MINDY2: variants seen among roughly 807,000 people sequenced by gnomAD.
The protein encoded by MINDY2 is ubiquitin carboxyl-terminal hydrolase MINDY-2.
A neutral mutation model predicts 68.2 loss-of-function variants in MINDY2; 52 were observed. That is an observed-to-expected ratio of 0.76 (90% CI 0.61 to 0.96). MINDY2 has a LOEUF of 0.96. MINDY2 is among the 40% of genes least tolerant of loss of function. The pLI is 0.00. For missense variants in MINDY2, 881 were observed against 773.4 expected, an observed-to-expected ratio of 1.14 and a Z score of -1.65; for synonymous variants, 372 against 303.0, an observed-to-expected ratio of 1.23 and a Z score of -2.36.
At chr15:58,799,324 T>C (rs1293429000) in intron 2 of MINDY2, among the ~76,000 whole-genome samples, 2 of 152,096 alleles carry the variant, frequency 1.3e-5, no homozygotes, top group Admixed American at 6.5e-5. Context: ...TCCCAGCACT[T>C]TGGGAGGCCG....
intron 4 of MINDY2, among the ~76,000 whole-genome samples, chr15:58,816,010 T>A (rs1379625348): frequency 3.3e-5 from 5 of 152,192 alleles, no homozygotes; most frequent in African/African-American, 1.2e-4. Context: ...TGGTTAACTG[T>A]CATCTCCCAC....
chr15:58,787,787 G>T, intron 1 of MINDY2, 119 bp from the exon 2 acceptor site: 171 of 371,768 alleles, frequency 4.6e-4, no homozygotes, highest in Middle Eastern at 8.9e-4. Flanking sequence ...ATATGTGAAT[G>T]TTAATGTATA....
At chr15:58,789,503 C>G (rs1266584483) in intron 2 of MINDY2, among the ~76,000 whole-genome samples, 1 of 151,398 alleles carries the variant, frequency 6.6e-6, no homozygotes, top group Non-Finnish European at 1.5e-5. Flanking sequence ...ATTGCCCAGG[C>G]TGGAGTGCAG....
chr15:58,853,963 A>G (rs1376894185), intron 8 of MINDY2, among the ~76,000 whole-genome samples: 2 of 152,074 alleles, frequency 1.3e-5, no homozygotes, highest in African/African-American at 4.8e-5. Flanking sequence ...ACTTTAGGCA[A>G]TATAATCTTA....
intron 2 of MINDY2, among the ~76,000 whole-genome samples, chr15:58,794,142 A>AT (rs1286638717): frequency 6.6e-6 from 1 of 151,970 alleles, no homozygotes; most frequent in Non-Finnish European, 1.5e-5. Flanking sequence ...AATCTAAGGT[A>AT]TGAAGGTGTG....
chr15:58,830,517 C>A (rs1254564286), intron 5 of MINDY2, among the ~76,000 whole-genome samples: 1 of 152,098 alleles, frequency 6.6e-6, no homozygotes, highest in Non-Finnish European at 1.5e-5. Context: ...TGCAGACATT[C>A]CAAAATCCAA....
At chr15:58,819,783 G>A (rs1245882150) in intron 4 of MINDY2, among the ~76,000 whole-genome samples, 1 of 152,186 alleles carries the variant, frequency 6.6e-6, no homozygotes, top group Non-Finnish European at 1.5e-5. Context: ...AACAGATTGT[G>A]CCCTCAAATT....
At chr15:58,811,838 T>C (rs947139190) in intron 4 of MINDY2, among the ~76,000 whole-genome samples, 1 of 152,210 alleles carries the variant, frequency 6.6e-6, no homozygotes, top group East Asian at 1.9e-4. Flanking sequence ...AAAATAATTC[T>C]ACTGTAACAT....
chr15:58,848,812 A>G (rs2032666918), intron 7 of MINDY2, among the ~76,000 whole-genome samples: 1 of 152,248 alleles, frequency 6.6e-6, no homozygotes, highest in Admixed American at 6.5e-5. Context: ...TTTGAAAAAC[A>G]GTTCTGAAAG....
chr15:58,836,891 A>C (rs2032022301), intron 6 of MINDY2, among the ~76,000 whole-genome samples: 1 of 152,092 alleles, frequency 6.6e-6, no homozygotes, highest in South Asian at 2.1e-4. Flanking sequence ...GAGTGTTGGG[A>C]TTACAGGTGT....
rs1190348146 is a variant in MINDY2, at chr15:58,861,894, G to C, written c.*7284G>C. On this transcript the variant is annotated 3_prime_UTR_variant, in exon 9 of 9. Transcript: ENST00000559228. ...TTATTTCAATAAACTTTGATATTTA[G>C]ACCAAAGTCTGTTCGCTCTGTATAT... 2 of 152,080 alleles carry C rather than the reference G, an allele frequency of 1.3e-5. No homozygotes were observed. The highest frequency in any genetic ancestry group is 4.8e-5 in the African/African-American group (2 of 41,410). The allele number at this position is 152,080 out of a possible 1,614,324, so 9.4% of individuals were successfully genotyped here. A position where few individuals can be genotyped will look rare whatever the true frequency, so the allele number is the denominator to read the frequency against.
chr15:58,839,114 A>AT (rs1387360140), intron 6 of MINDY2, among the ~76,000 whole-genome samples: 5 of 150,942 alleles, frequency 3.3e-5, no homozygotes, highest in Admixed American at 2.0e-4. Context: ...TATTTATTTA[A>AT]TTTTTTTTTG....
chr15:58,830,943 A>C (rs1279045164), intron 5 of MINDY2, among the ~76,000 whole-genome samples: 1 of 151,800 alleles, frequency 6.6e-6, no homozygotes, highest in East Asian at 1.9e-4. Context: ...GGATCTAAAT[A>C]AATTTTAGCC....
rs148741065 is a variant in MINDY2 at position 58,860,784 on chromosome 15, C to A, written c.*6174C>A. The A allele has an allele frequency of 6.6e-6, 1 of 152,092 alleles. No individual in the cohort carries two copies. The highest frequency in any genetic ancestry group is 2.4e-5 in the African/African-American group (1 of 41,410). The allele number at this position is 152,092 out of a possible 1,614,324, so 9.4% of individuals were successfully genotyped here. On this transcript the variant is annotated 3_prime_UTR_variant, in exon 9 of 9. Transcript: ENST00000559228. ...ACAAACAGTATTTAATCCTTGAAGA[C>A]CTGTCTTGTATGTCTCTCAATTTTG...
intron 6 of MINDY2, among the ~76,000 whole-genome samples, chr15:58,844,116 G>A (rs2032408893): frequency 6.6e-6 from 1 of 152,078 alleles, no homozygotes; most frequent in East Asian, 1.9e-4. Flanking sequence ...CAAAAGTGCT[G>A]GAATATCAGT....
chr15:58,835,739 A>C (rs1298078020), intron 6 of MINDY2, among the ~76,000 whole-genome samples: 8 of 152,186 alleles, frequency 5.3e-5, no homozygotes, highest in Non-Finnish European at 1.0e-4. Context: ...AAAAAGAGTT[A>C]ACTTAGCAGA....
intron 3 of MINDY2, among the ~76,000 whole-genome samples, chr15:58,806,483 A>C (rs1277360348): frequency 6.6e-6 from 1 of 151,240 alleles, no homozygotes; most frequent in Non-Finnish European, 1.5e-5. Flanking sequence ...TCAGCCTCCC[A>C]AAGTGCTGGG....
intron 5 of MINDY2, among the ~76,000 whole-genome samples, chr15:58,822,115 A>G (rs776481683): frequency 5.3e-5 from 8 of 151,976 alleles, no homozygotes; most frequent in Non-Finnish European, 8.8e-5. Context: ...TTAGTTGGCC[A>G]TGGTGTTGCA....
intron 1 of MINDY2, among the ~76,000 whole-genome samples, chr15:58,774,815 T>G (rs747293166): frequency 2.6e-4 from 39 of 152,212 alleles, no homozygotes; most frequent in Non-Finnish European, 4.3e-4. Context: ...GGTTGAAGTG[T>G]GCAGCATAGG....
Sources: allele counts gnomAD v4.1 joint callset (sites outside exome capture counted in the v4.1 genomes callset), GRCh38; gene constraint gnomAD v4.1.1; transcripts MANE v1.5; gene names NCBI Gene and HGNC (gene_info 2026-07-23, HGNC 2026-07-21).